The following HYDIN variants were observed in gnomAD, a reference collection of about 807,000 sequenced individuals.
The protein encoded by HYDIN is HYDIN axonemal central pair apparatus protein, also known as axonemal central pair apparatus protein HYDIN.
HYDIN carries 132 observed loss-of-function variants against 403.9 expected under a neutral mutation model. The ratio of observed to expected loss-of-function variants is 0.33; its 90% CI spans 0.28 to 0.38. The LOEUF (loss-of-function observed/expected upper bound fraction) is 0.38, where lower values mean the gene tolerates loss of function less well. HYDIN is among the 10% of genes least tolerant of loss of function. HYDIN has a pLI of 1.00. For missense variants in HYDIN, 2,827 were observed against 5,009.5 expected, an observed-to-expected ratio of 0.56 and a Z score of 13.15; for synonymous variants, 1,202 against 1,891.7, an observed-to-expected ratio of 0.64 and a Z score of 9.46.
intron 21 of HYDIN, among the ~76,000 whole-genome samples, chr16:71,022,702 A>C (rs1050926374): frequency 3.3e-5 from 5 of 150,164 alleles, no homozygotes; most frequent in African/African-American, 1.2e-4. Flanking sequence ...ATGAAAATGA[A>C]AAATACAGTA....
At chr16:70,883,864 C>G (rs2143694543) in intron 59 of HYDIN, 56 bp downstream of exon 59, 1 of 1,561,992 alleles carries the variant, frequency 6.4e-7, no homozygotes, top group African/African-American at 1.5e-5. Context: ...AGCCACTGCA[C>G]CAGGTCTCAG....
intron 23 of HYDIN, among the ~76,000 whole-genome samples, chr16:71,016,499 C>G (rs2080262138): frequency 6.8e-6 from 1 of 148,084 alleles, no homozygotes; most frequent in South Asian, 2.2e-4. Flanking sequence ...AACTGAAACC[C>G]TGGTGCACTG....
intron 20 of HYDIN, among the ~76,000 whole-genome samples, chr16:71,026,696 T>G (rs1030696725): frequency 6.6e-6 from 1 of 152,248 alleles, no homozygotes; most frequent in Admixed American, 6.5e-5. Context: ...TCCCCTTTTG[T>G]TGAACTGAGG....
At chr16:70,827,541 C>CCTGTCA in intron 82 of HYDIN, 130 bp from the exon 83 acceptor site, 1 of 392,434 alleles carries the variant, frequency 2.5e-6, no homozygotes, top group Non-Finnish European at 4.8e-6. Context: ...TAGTCTTCAC[C>CCTGTCA]CTGTCACTAA....
intron 39 of HYDIN, chr16:70,959,249 T>C (rs2078336333): frequency 6.3e-6 from 1 of 158,908 alleles, no homozygotes; most frequent in African/African-American, 2.4e-5. Context: ...TCAATGAGGA[T>C]TCACACTGCA....
intron 41 of HYDIN, among the ~76,000 whole-genome samples, chr16:70,946,665 T>C (rs1258083699): frequency 6.6e-6 from 1 of 152,048 alleles, no homozygotes; most frequent in Non-Finnish European, 1.5e-5. Flanking sequence ...GAGGTTTCGA[T>C]GGGGCCAGGT....
At chr16:70,871,057 G>A (rs1252374711) in intron 65 of HYDIN, among the ~76,000 whole-genome samples, 8 of 151,954 alleles carry the variant, frequency 5.3e-5, no homozygotes, top group Non-Finnish European at 1.2e-4. Context: ...AAAAAAAGTA[G>A]TATCTGCCTT....
chr16:71,224,752 G>A (rs1393665604), intron 1 of HYDIN, among the ~76,000 whole-genome samples: 3 of 151,332 alleles, frequency 2.0e-5, no homozygotes, highest in African/African-American at 7.3e-5. Flanking sequence ...TAGTAGAGAC[G>A]GGGTTTCACC....
chr16:70,843,027 A>T (rs2037937255), intron 75 of HYDIN, among the ~76,000 whole-genome samples: 1 of 150,416 alleles, frequency 6.6e-6, no homozygotes, highest in African/African-American at 2.4e-5. Flanking sequence ...ACATAAATTT[A>T]TTTATTTATT....
At chr16:70,809,700 A>G (rs2035336972) in intron 85 of HYDIN, 83 bp downstream of exon 85, 2 of 1,104,494 alleles carry the variant, frequency 1.8e-6, no homozygotes, top group Non-Finnish European at 2.8e-6. Context: ...TCTCACATTC[A>G]TGCTCCCTGT....
chr16:70,867,175 G>A (rs1597166145), intron 66 of HYDIN, among the ~76,000 whole-genome samples: 1 of 148,036 alleles, frequency 6.8e-6, no homozygotes, highest in East Asian at 2.0e-4. Flanking sequence ...GGCATGAAAA[G>A]GCATTCCTGC....
At chr16:71,163,115 G>A (rs1175842601) in intron 5 of HYDIN, among the ~76,000 whole-genome samples, 2 of 131,358 alleles carry the variant, frequency 1.5e-5, no homozygotes, top group African/African-American at 5.5e-5. Flanking sequence ...TTAGAATGAT[G>A]TTTCTTTTTT....
intron 57 of HYDIN, among the ~76,000 whole-genome samples, chr16:70,890,856 T>C (rs995306589): frequency 2.6e-5 from 4 of 151,954 alleles, no homozygotes; most frequent in African/African-American, 7.3e-5. Flanking sequence ...TAATAGTCCC[T>C]GGTAGGCTGA....
chr16:70,992,045 T>A (rs1774514), intron 24 of HYDIN, 25 bp downstream of exon 24: 1 of 1,613,562 alleles, frequency 6.2e-7, no homozygotes, highest in Non-Finnish European at 8.5e-7. Context: ...CTACTACAAA[T>A]AATCTATGTT....
At chr16:71,092,329 G>T (rs1184875986) in intron 11 of HYDIN, among the ~76,000 whole-genome samples, 1 of 152,154 alleles carries the variant, frequency 6.6e-6, no homozygotes, top group African/African-American at 2.4e-5. Flanking sequence ...GGCCAAGCAT[G>T]AGACGTTCCA....
intron 38 of HYDIN, among the ~76,000 whole-genome samples, chr16:70,960,907 G>A (rs1387366819): frequency 1.3e-5 from 2 of 152,158 alleles, no homozygotes; most frequent in African/African-American, 4.8e-5. Flanking sequence ...CAGCCAGGAT[G>A]GTCTCGAACT....
intron 1 of HYDIN, among the ~76,000 whole-genome samples, chr16:71,226,131 G>T (rs2041023086): frequency 2.0e-5 from 3 of 152,188 alleles, no homozygotes; most frequent in Non-Finnish European, 2.9e-5. Flanking sequence ...GAACAAAGTA[G>T]AAGGACTCAA....
Position 71,051,298 on chromosome 16 carries a change from TTTC to T in HYDIN, c.2529+9203_2529+9205del, listed in dbSNP as rs1473706719. ...ATAACAAATAAGAAAGGATTAGAAC[TTTC>T]TTAATGTGACATAGGCGTTTACCAA... On this transcript the variant is annotated intron_variant, in intron 18 of 85. Transcript: ENST00000393567. Among the ~76,000 whole-genome samples, 8 of 152,184 alleles carry T rather than the reference TTTC, an allele frequency of 5.3e-5. No homozygotes were observed. The South Asian group carries it at 1.7e-3, about 32-fold the overall frequency.
In HYDIN at chr16:70,863,157, C is replaced by A; in HGVS notation, c.11497G>T (p.Val3833Phe). 6.2e-7 allele frequency: 1 copy of A among 1,613,892 alleles called. No homozygotes were observed. Among genetic ancestry groups the A allele is most frequent in the Non-Finnish European group, 8.5e-7 (1 of 1,179,922 alleles). ...GAGACCCAGCTGAATTCCAGCTGGA[C>A]ACGTCCTGAATTAATCACATCGAAC... is the stretch of plus-strand genomic sequence containing the variant. ...FEFDVINSGRVQLEFSWVSED... is the reference protein window; with the variant it reads ...FEFDVINSGRFQLEFSWVSED... Residue 3833 changes from valine to phenylalanine, a missense_variant, in exon 68 of 86, where the codon GTC becomes TTC. Physicochemically the swap from Val to Phe is conservative, Grantham distance 50. Transcript: ENST00000393567.
Sources: allele counts gnomAD v4.1 joint callset (sites outside exome capture counted in the v4.1 genomes callset), GRCh38; gene constraint gnomAD v4.1.1; transcripts MANE v1.5; gene names NCBI Gene and HGNC (gene_info 2026-07-23, HGNC 2026-07-21).